IL1RAPL1: variants seen among roughly 807,000 people sequenced by gnomAD.
The protein encoded by IL1RAPL1 is interleukin 1 receptor accessory protein like 1.
In IL1RAPL1, 3 loss-of-function variants were observed where a neutral mutation model predicts 48.4. The observed-to-expected ratio is 0.06, with a 90% CI of 0.03 to 0.16. The LOEUF (loss-of-function observed/expected upper bound fraction) is 0.16. Among genes scored for constraint, IL1RAPL1 ranks in the 10% least tolerant of loss-of-function variants. The pLI, the probability that IL1RAPL1 is intolerant of heterozygous loss-of-function variation, is 1.00. For missense variants in IL1RAPL1, 349 were observed against 530.6 expected (o/e 0.66, Z 3.36); for synonymous variants, 185 against 187.7 (o/e 0.99, Z 0.12).
chrX:29,653,199 A>G (rs187557858), intron 5 of IL1RAPL1, among the ~76,000 whole-genome samples: 1 of 112,238 alleles, frequency 8.9e-6, no homozygotes, highest in Admixed American at 9.5e-5. Context: ...ATATTTTTTA[A>G]ATTAACTCTT....
chrX:29,521,247 C>T (rs183403091), intron 5 of IL1RAPL1, among the ~76,000 whole-genome samples: 12 of 111,905 alleles, frequency 1.1e-4, no homozygotes, highest in Non-Finnish European at 1.3e-4. Context: ...CCTGGAGCCT[C>T]GGTGAGTAGG....
chrX:29,765,976 T>C lies in IL1RAPL1; in HGVS notation c.778+97472T>C, dbSNP rs182540697. On this transcript the variant is annotated intron_variant, in intron 6 of 10. Coordinates refer to ENST00000378993, the MANE Select transcript of IL1RAPL1 (RefSeq NM_014271.4). ...AATTTGCCACTGTGTCATTCATCCA[T>C]GTGAAACCAGAAACCACCTGTACCT... Among the ~76,000 whole-genome samples, 299 of 110,620 alleles carry C rather than the reference T, an allele frequency of 2.7e-3. 3 individuals are homozygous for C. Among genetic ancestry groups the C allele is most frequent in the Admixed American group, 0.025 (260 of 10,261 alleles).
chrX:29,834,309 A>G (rs1259288039), intron 6 of IL1RAPL1, among the ~76,000 whole-genome samples: 4 of 111,368 alleles, frequency 3.6e-5, no homozygotes, highest in African/African-American at 9.8e-5. Context: ...AAGATTTTGT[A>G]TCTTTCTATG....
At chrX:29,588,367 T>C (rs2040277506) in intron 5 of IL1RAPL1, among the ~76,000 whole-genome samples, 1 of 112,169 alleles carries the variant, frequency 8.9e-6, no homozygotes, top group African/African-American at 3.2e-5. Flanking sequence ...AAGGACATGT[T>C]CACATTTTTA....
chrX:29,446,578 G>T (rs1007934619), intron 5 of IL1RAPL1, among the ~76,000 whole-genome samples: 8 of 111,899 alleles, frequency 7.1e-5, no homozygotes, highest in South Asian at 7.4e-4. Flanking sequence ...TAGTGACTAA[G>T]GAACAACACA....
In IL1RAPL1 at chrX:29,525,246, G is replaced by A. The variant is rs763653161; in HGVS notation, c.703+125938G>A. 1.2e-4 allele frequency among the ~76,000 whole-genome samples: 13 copies of A among 111,866 alleles called. No homozygotes were observed. The East Asian group carries it at 3.1e-3, about 27-fold the overall frequency. ...AAAGTGATATAGCCCAATATACCAC[G>A]AATACCTTACTGAATCTGATGCCCA... On this transcript the variant is annotated intron_variant, in intron 5 of 10. Coordinates refer to ENST00000378993, the MANE Select transcript of IL1RAPL1 (RefSeq NM_014271.4).
chrX:28,971,912 G>GTGTGTGTGTA (rs1555948257), intron 2 of IL1RAPL1, among the ~76,000 whole-genome samples: 4 of 108,780 alleles, frequency 3.7e-5, no homozygotes, highest in African/African-American at 1.3e-4. Context: ...GTGTGTGTGT[G>GTGTGTGTGTA]TGTGTATTTC....
intron 1 of IL1RAPL1, among the ~76,000 whole-genome samples, chrX:28,711,773 A>C (rs1229445871): frequency 1.9e-5 from 2 of 107,464 alleles, no homozygotes; most frequent in South Asian, 3.8e-4. Context: ...ATATATAATA[A>C]ATGTATATAA....
intron 5 of IL1RAPL1, among the ~76,000 whole-genome samples, chrX:29,469,317 A>G (rs1934897248): frequency 8.9e-6 from 1 of 112,201 alleles, no homozygotes; most frequent in South Asian, 3.7e-4. Flanking sequence ...ACTTTGCTGG[A>G]TGAACGAAGA....
chrX:29,918,144 A>AAAAAAAAATATATATATAT (rs1555935868), intron 7 of IL1RAPL1, among the ~76,000 whole-genome samples: 8 of 23,765 alleles, frequency 3.4e-4, no homozygotes, highest in Admixed American at 5.8e-4. Flanking sequence ...AAAAAAAAAA[A>AAAAAAAAATATATATATAT]ATATATATAT....
intron 5 of IL1RAPL1, among the ~76,000 whole-genome samples, chrX:29,593,992 C>T (rs1036940188): frequency 3.6e-5 from 4 of 112,009 alleles, no homozygotes; most frequent in Non-Finnish European, 5.6e-5. Flanking sequence ...TTGTGTTTCT[C>T]TTTGGTTTTG....
intron 6 of IL1RAPL1, among the ~76,000 whole-genome samples, chrX:29,714,268 C>T (rs1274831826): frequency 9.0e-6 from 1 of 111,609 alleles, no homozygotes; most frequent in Non-Finnish European, 1.9e-5. Flanking sequence ...CAGGGTTGTG[C>T]ACGATTTACA....
chrX:28,986,741 C>G (rs1326639841), intron 2 of IL1RAPL1, among the ~76,000 whole-genome samples: 1 of 111,968 alleles, frequency 8.9e-6, no homozygotes, highest in African/African-American at 3.2e-5. Context: ...AAAATATACC[C>G]GTTTTTCTTT....
intron 6 of IL1RAPL1, among the ~76,000 whole-genome samples, chrX:29,711,986 A>G (rs1387870959): frequency 3.6e-5 from 4 of 111,197 alleles, no homozygotes; most frequent in African/African-American, 6.5e-5. Context: ...GTACTGATCA[A>G]TGTTCTTTTA....
intron 1 of IL1RAPL1, among the ~76,000 whole-genome samples, chrX:28,771,674 TTTTGAAAGG>T (rs1480736807): frequency 8.9e-6 from 1 of 112,126 alleles, no homozygotes; most frequent in African/African-American, 3.2e-5. Flanking sequence ...AGACTTGATA[TTTTGAAAGG>T]TTTTTCTGTT....
Position 29,850,354 on chromosome X carries a change from A to G in IL1RAPL1, c.779-67110A>G, listed in dbSNP as rs1167447958. On this transcript the variant is annotated intron_variant, in intron 6 of 10. Transcript: ENST00000378993. ...CTCAAGGACCTCTGGAGATGTTTCC[A>G]GGTTAGGCATAGCCATGTGTTTCAA... is the stretch of plus-strand genomic sequence containing the variant. Among the ~76,000 whole-genome samples, 4 of 112,040 alleles carry G rather than the reference A, an allele frequency of 3.6e-5. No individual in the cohort carries two copies. In the East Asian group the frequency reaches 8.4e-4, roughly 24 times the overall value.
chrX:29,133,931 A>T lies in IL1RAPL1; in HGVS notation c.83-149007A>T, dbSNP rs182264134. Among the ~76,000 whole-genome samples, 3 of 111,853 alleles carry T rather than the reference A, an allele frequency of 2.7e-5. No individual in the cohort carries two copies. The Admixed American group carries it at 2.9e-4, about 11-fold the overall frequency. ...CTCTCAAGAATGTCATATAGTTAGA[A>T]TCATAAAGTATGTAGCCTTTTCAGA... is the stretch of plus-strand genomic sequence containing the variant. On this transcript the variant is annotated intron_variant, in intron 2 of 10. Coordinates refer to ENST00000378993, the MANE Select transcript of IL1RAPL1 (RefSeq NM_014271.4).
At chrX:28,816,293 T>C (rs1449277536) in intron 2 of IL1RAPL1, among the ~76,000 whole-genome samples, 1 of 110,019 alleles carries the variant, frequency 9.1e-6, no homozygotes, top group Non-Finnish European at 1.9e-5. Flanking sequence ...AGGTTTGTTA[T>C]ATGGGTATAT....
intron 1 of IL1RAPL1, among the ~76,000 whole-genome samples, chrX:28,642,159 A>C (rs1934552822): frequency 9.0e-6 from 1 of 111,501 alleles, no homozygotes; most frequent in Admixed American, 9.5e-5. Context: ...CAGATTCATA[A>C]AGCAAGTTCT....
Sources: allele counts gnomAD v4.1 joint callset (sites outside exome capture counted in the v4.1 genomes callset), GRCh38; gene constraint gnomAD v4.1.1; transcripts MANE v1.5; gene names NCBI Gene and HGNC (gene_info 2026-07-23, HGNC 2026-07-21).